BIRC6: variants seen among roughly 807,000 people sequenced by gnomAD.
BIRC6 encodes the protein baculoviral IAP repeat containing 6.
A neutral mutation model predicts 503.3 loss-of-function variants in BIRC6; 98 were observed. That is an observed-to-expected ratio of 0.19 (90% CI 0.17 to 0.23). The LOEUF (loss-of-function observed/expected upper bound fraction) is 0.23, where lower values mean the gene tolerates loss of function less well. Ranked by LOEUF, BIRC6 falls within the 10% of genes least tolerant of loss-of-function variation. BIRC6 has a pLI of 1.00. For missense variants in BIRC6, 5,360 were observed against 5,806.0 expected (o/e 0.92, Z 2.50); for synonymous variants, 2,240 against 2,078.7 (o/e 1.08, Z -2.11).
rs10528992 is a variant in BIRC6 at position 32,508,276 on chromosome 2, CTTTTTTTTTTTTTTTT to C, written c.9980+29_9980+44del. 123 of 864,890 alleles carry C rather than the reference CTTTTTTTTTTTTTTTT, an allele frequency of 1.4e-4. No homozygotes were observed. The South Asian group carries it at 2.1e-3, about 15-fold the overall frequency. The allele number at this position is 864,890 out of a possible 1,614,324, so 53.6% of individuals were successfully genotyped here. A position where few individuals can be genotyped will look rare whatever the true frequency, so the allele number is the denominator to read the frequency against. On this transcript the variant is annotated intron_variant, in intron 51 of 73. Coordinates refer to ENST00000421745, the MANE Select transcript of BIRC6 (RefSeq NM_016252.4). The stretch of plus-strand genomic sequence containing the variant: ...CAAAACAAGGTATGTTTTGTTTGTC[CTTTTTTTTTTTTTTTT>C]TTTTTTTTTTTGGCATGGTTGGGAG...
intron 63 of BIRC6, among the ~76,000 whole-genome samples, chr2:32,546,778 A>T (rs1430053667): frequency 6.6e-6 from 1 of 151,898 alleles, no homozygotes; most frequent in African/African-American, 2.4e-5. Context: ...TATGTATAAT[A>T]CCTCTTTATG....
chr2:32,500,093 C>A lies in BIRC6; in HGVS notation c.9015C>A (p.Ala3005=). ...LSALGLCNSS[A]MAMIIGASGL... The stretch of plus-strand genomic sequence containing the variant: ...CTCTGGGCCTGTGTAATAGCAGTGC[C>A]ATGGCAATGATAATTGGTATGTATT... Residue 3005 remains alanine (A), a synonymous_variant, in exon 46 of 74, where the codon GCC becomes GCA. Transcript: ENST00000421745. 1 of 1,609,084 alleles carries A rather than the reference C, an allele frequency of 6.2e-7. No homozygotes were observed. The highest frequency in any genetic ancestry group is 1.1e-5 in the South Asian group (1 of 90,486).
chr2:32,460,244 T>TTATATATATATATATATA (rs1558785783), intron 23 of BIRC6, among the ~76,000 whole-genome samples: 1 of 83,594 alleles, frequency 1.2e-5, no homozygotes, highest in African/African-American at 4.7e-5. Context: ...ATCTCGTATA[T>TTATATATATATATATATA]GATATATATA....
Position 32,436,037 on chromosome 2 carries a change from G to A in BIRC6, c.3500-16G>A. ...ATGAATGAATTTAAAAGAAAAATAT[G>A]TATTTTTCTTTTTAGGTCTTAGATT... is the stretch of plus-strand genomic sequence containing the variant. On this transcript the variant is annotated splice_polypyrimidine_tract_variant and intron_variant, in intron 14 of 73. Transcript: ENST00000421745. The A allele has an allele frequency of 1.5e-6, 2 of 1,325,678 alleles. No individual in the cohort carries two copies. The highest frequency in any genetic ancestry group is 2.0e-6 in the Non-Finnish European group (2 of 1,003,496). The allele number at this position is 1,325,678 out of a possible 1,614,324, so 82.1% of individuals were successfully genotyped here.
chr2:32,459,096 T>A (rs563874385), intron 23 of BIRC6, among the ~76,000 whole-genome samples: 19 of 152,304 alleles, frequency 1.2e-4, no homozygotes, highest in Non-Finnish European at 1.8e-4. Context: ...AATTTTTTTT[T>A]AAAATAAAAC....
At chr2:32,378,058 A>T (rs569907539) in intron 2 of BIRC6, among the ~76,000 whole-genome samples, 1 of 152,134 alleles carries the variant, frequency 6.6e-6, no homozygotes, top group African/African-American at 2.4e-5. Context: ...CTTGTTTCCA[A>T]TAATAGTCCA....
At chr2:32,555,794 A>C (rs1479016220) in intron 65 of BIRC6, among the ~76,000 whole-genome samples, 1 of 151,554 alleles carries the variant, frequency 6.6e-6, no homozygotes, top group Non-Finnish European at 1.5e-5. Flanking sequence ...AAAGAACAAA[A>C]AATCAACACT....
chr2:32,512,800 T>A (rs2054579144), intron 53 of BIRC6, 133 bp from the exon 54 acceptor site: 6 of 685,980 alleles, frequency 8.7e-6, no homozygotes, highest in Non-Finnish European at 1.5e-5. Flanking sequence ...CTATTTTAGA[T>A]TAAAATAATC....
chr2:32,436,720 C>T (rs551189940), intron 15 of BIRC6, among the ~76,000 whole-genome samples: 12 of 151,972 alleles, frequency 7.9e-5, no homozygotes, highest in East Asian at 5.8e-4. Flanking sequence ...GCAGGGATTA[C>T]GCCCAGATAA....
chr2:32,405,783 T>C (rs1167997026), intron 8 of BIRC6, among the ~76,000 whole-genome samples: 2 of 152,240 alleles, frequency 1.3e-5, no homozygotes, highest in Non-Finnish European at 2.9e-5. Flanking sequence ...GGTTTTAGGC[T>C]GTCCTGAATT....
intron 47 of BIRC6, 34 bp from the exon 48 acceptor site, chr2:32,502,761 T>C (rs1268570200): frequency 6.7e-7 from 1 of 1,498,346 alleles, no homozygotes; most frequent in Non-Finnish European, 9.2e-7. Flanking sequence ...CACAGGAATA[T>C]ATAAAGTCAT....
chr2:32,374,929 G>A (rs575502883), intron 1 of BIRC6, among the ~76,000 whole-genome samples: 20 of 152,186 alleles, frequency 1.3e-4, no homozygotes, highest in South Asian at 4.1e-4. Flanking sequence ...TTGAAATTCC[G>A]TTAAATCTGT....
In BIRC6 at chr2:32,518,319, A is replaced by G. The variant is rs1379536069; in HGVS notation, c.11415A>G (p.Ser3805=). The G allele has an allele frequency of 3.1e-6, 5 of 1,611,806 alleles. No homozygotes were observed. Among genetic ancestry groups the G allele is most frequent in the Non-Finnish European group, 4.2e-6 (5 of 1,179,382 alleles). ...RGNLPTSGNI[S]GFIRRLFLQL... The stretch of plus-strand genomic sequence containing the variant: ...ACCTTCCAACATCTGGGAACATTTC[A>G]GGGTTTATACGAAGATTATTTTTAC... Residue 3805 remains serine, a synonymous_variant, in exon 56 of 74, where the codon TCA becomes TCG. Transcript: ENST00000421745.
intron 36 of BIRC6, among the ~76,000 whole-genome samples, chr2:32,479,048 G>T (rs1232081248): frequency 6.6e-6 from 1 of 152,196 alleles, no homozygotes; most frequent in Non-Finnish European, 1.5e-5. Flanking sequence ...GCTTTGGGTT[G>T]TTAAAGTGCA....
At chr2:32,477,691 G>A (rs1484770027) in intron 35 of BIRC6, 108 bp downstream of exon 35, 4 of 754,408 alleles carry the variant, frequency 5.3e-6, no homozygotes, top group Admixed American at 5.8e-5. Context: ...CTGAGTCTAG[G>A]AGTTCCAGAC....
At position 32,599,753 on chromosome 2, in the gene BIRC6, T is replaced by G. The variant is rs1270420437; in HGVS notation, c.13845T>G (p.Gly4615=). The G allele has an allele frequency of 6.2e-7, 1 of 1,613,746 alleles. No homozygotes were observed. The highest frequency in any genetic ancestry group is 8.5e-7 in the Non-Finnish European group (1 of 1,179,666). The stretch of plus-strand genomic sequence containing the variant: ...TATATATCCAGGTTCTAATAACTGG[T>G]CCAGCGGACACCCCTTATGCAAATG... ...RLDIMKVLIT[G]PADTPYANGC... is the part of the protein sequence containing the mutation. Residue 4615 remains glycine (G), a synonymous_variant, in exon 70 of 74, where the codon GGT becomes GGG. Coordinates refer to ENST00000421745, the MANE Select transcript of BIRC6 (RefSeq NM_016252.4).
Position 32,435,484 on chromosome 2 carries a change from C to T in BIRC6, c.3410-12C>T. 6.5e-7 allele frequency: 1 copy of T among 1,547,912 alleles called. No homozygotes were observed. The highest frequency in any genetic ancestry group is 8.7e-7 in the Non-Finnish European group (1 of 1,145,976). ...GCAGTAGATAGGCAGATCACCTTTC[C>T]TTTGTCTCCAGCTCTTAACATTGAA... On this transcript the variant is annotated splice_polypyrimidine_tract_variant and intron_variant, in intron 13 of 73. Transcript: ENST00000421745.
intron 65 of BIRC6, among the ~76,000 whole-genome samples, chr2:32,561,775 T>TG (rs5830232): frequency 1 from 150,606 of 150,606 alleles, 75,303 homozygotes; most frequent in Non-Finnish European, 1. Flanking sequence ...CTGGGGGCAG[T>TG]GCTCACGCCT....
chr2:32,606,973 C>T (rs780350015), intron 71 of BIRC6, among the ~76,000 whole-genome samples: 1 of 150,444 alleles, frequency 6.6e-6, no homozygotes, highest in Non-Finnish European at 1.5e-5. Flanking sequence ...TGCCATTGCA[C>T]TCCAGCCTGG....
Sources: allele counts gnomAD v4.1 joint callset (sites outside exome capture counted in the v4.1 genomes callset), GRCh38; gene constraint gnomAD v4.1.1; transcripts MANE v1.5; gene names NCBI Gene and HGNC (gene_info 2026-07-23, HGNC 2026-07-21).